Variants in UTP20 observed in about 807,000 individuals in gnomAD.
UTP20 encodes the protein UTP20 small subunit processome component, also known as small subunit processome component 20 homolog.
UTP20 carries 164 observed loss-of-function variants against 329.5 expected under a neutral mutation model. The ratio of observed to expected loss-of-function variants is 0.50; its 90% CI spans 0.44 to 0.57. UTP20 has a LOEUF of 0.57. UTP20 is among the 20% of genes least tolerant of loss of function. UTP20 has a pLI of 0.00. For missense variants in UTP20, 3,055 were observed against 3,284.2 expected, an observed-to-expected ratio of 0.93 and a Z score of 1.71; for synonymous variants, 1,151 against 1,159.3, an observed-to-expected ratio of 0.99 and a Z score of 0.14.
At position 101,311,771 on chromosome 12, in the gene UTP20, C is replaced by T. The variant is rs1041240779; in HGVS notation, c.2284C>T (p.His762Tyr). The change falls in exon 20 of 62, where the codon CAT becomes TAT. Residue 762 changes from histidine to tyrosine, a missense_variant. His to Tyr is a moderately conservative substitution (Grantham distance 83). Around this residue, in one of 3 missense-constraint regions of UTP20, gnomAD observed 2,445 missense variants for 2,575.5 expected, o/e 0.95. Transcript: ENST00000261637. ...NKQFWKVYYEHLEKAATHAEK... is the reference protein window; with the variant it reads ...NKQFWKVYYEYLEKAATHAEK... The stretch of plus-strand genomic sequence containing the variant: ...GCAATTTTGGAAAGTCTACTATGAG[C>T]ATCTAGAAAAAGCAGCTACGCATGC... 1.6e-5 allele frequency: 25 copies of T among 1,612,888 alleles called. No individual in the cohort carries two copies. Among genetic ancestry groups the T allele is most frequent in the Non-Finnish European group, 2.0e-5 (24 of 1,179,796 alleles).
At chr12:101,281,032 T>C in intron 1 of UTP20, 84 bp from the exon 2 acceptor site, 1 of 1,132,476 alleles carries the variant, frequency 8.8e-7, no homozygotes, top group Non-Finnish European at 1.3e-6. Flanking sequence ...TGATTAGAGA[T>C]GCCTACATGC....
chr12:101,325,117 A>G (rs1428578461), intron 25 of UTP20, among the ~76,000 whole-genome samples: 1 of 152,204 alleles, frequency 6.6e-6, no homozygotes, highest in Non-Finnish European at 1.5e-5. Flanking sequence ...AAACCTTTTG[A>G]CATCTCATTT....
At chr12:101,366,975 A>G (rs1593451142) in intron 47 of UTP20, among the ~76,000 whole-genome samples, 1 of 151,912 alleles carries the variant, frequency 6.6e-6, no homozygotes, top group East Asian at 1.9e-4. Flanking sequence ...AACTACTTTG[A>G]ATTTTTTTAA....
intron 27 of UTP20, among the ~76,000 whole-genome samples, chr12:101,332,814 C>G (rs1463260961): frequency 6.7e-6 from 1 of 149,474 alleles, no homozygotes; most frequent in African/African-American, 2.4e-5. Flanking sequence ...TAATTTATAA[C>G]TTCTAGTCTT....
chr12:101,314,793 C>T (rs973951284), intron 21 of UTP20, among the ~76,000 whole-genome samples: 1 of 151,974 alleles, frequency 6.6e-6, no homozygotes. Flanking sequence ...GAGCTGTTGT[C>T]GTTGGGGTTA....
rs771643392 is a variant in UTP20 at position 101,286,468 on chromosome 12, C to T, written c.474C>T (p.Tyr158=). The change falls in exon 5 of 62, where the codon TAC becomes TAT. Residue 158 remains tyrosine, a synonymous_variant. Coordinates refer to ENST00000261637, the MANE Select transcript of UTP20 (RefSeq NM_014503.3). ...AFTSLSYLYK[Y]LWRLMVKDMS... ...CCTCGTTATCATATCTTTATAAGTA[C>T]CTGTGGAGACTGATGGTGAAGGACA... The T allele has an allele frequency of 3.1e-6, 5 of 1,613,396 alleles. No homozygotes were observed. The highest frequency in any genetic ancestry group is 1.6e-4 in the Middle Eastern group (1 of 6,082).
At position 101,374,903 on chromosome 12, in the gene UTP20, G is replaced by T; in HGVS notation, c.7227G>T (p.Val2409=). Residue 2409 remains valine (V), a synonymous_variant, in exon 55 of 62, where the codon GTG becomes GTT. Transcript: ENST00000261637. ...AAAGACTTGGAACTGTCCTTCCTGT[G>T]ATTGAAAAGGAAATTGATCCTGAAA... ...FEKRLGTVLP[V]IEKEIDPENF... 1 of 1,611,444 alleles carries T rather than the reference G, an allele frequency of 6.2e-7. No homozygotes were observed. Among genetic ancestry groups the T allele is most frequent in the South Asian group, 1.1e-5 (1 of 90,982 alleles).
At position 101,356,560 on chromosome 12, in the gene UTP20, A is replaced by G. The variant is rs1457280701; in HGVS notation, c.5401A>G (p.Arg1801Gly). 5.0e-6 allele frequency: 8 copies of G among 1,609,374 alleles called. No individual in the cohort carries two copies. The highest frequency in any genetic ancestry group is 6.8e-6 in the Non-Finnish European group (8 of 1,178,364). ...ACCTAAATTTTTCTTACAGACTAAA[A>G]GGGAAGAAGAACACAAGCTTGTCAA... Reference protein sequence around the residue: ...LHKCLASTTKREEEHKLVKSK... With the variant: ...LHKCLASTTKGEEEHKLVKSK... Residue 1801 changes from arginine (R) to glycine (G), a missense_variant, in exon 42 of 62, where the codon AGG becomes GGG. Arg to Gly is a moderately radical substitution (Grantham distance 125). This residue lies in a region of UTP20 where 2,445 missense variants were observed against 2,575.5 expected (regional missense o/e 0.95). Transcript: ENST00000261637.
Position 101,338,796 on chromosome 12 carries a change from A to G in UTP20, c.3869-17A>G. On this transcript the variant is annotated splice_polypyrimidine_tract_variant and intron_variant, in intron 30 of 61. Coordinates refer to ENST00000261637, the MANE Select transcript of UTP20 (RefSeq NM_014503.3). ...AGAGAGTTTATTAAAATCAAATCAAATCACTATCTATTTCAGAGTCTATCA... is the reference window on the plus strand; with the variant it reads ...AGAGAGTTTATTAAAATCAAATCAAGTCACTATCTATTTCAGAGTCTATCA... The G allele has an allele frequency of 6.4e-7, 1 of 1,571,460 alleles. No homozygotes were observed. Among genetic ancestry groups the G allele is most frequent in the Non-Finnish European group, 8.6e-7 (1 of 1,166,078 alleles).
intron 15 of UTP20, among the ~76,000 whole-genome samples, chr12:101,305,690 G>T (rs574557644): frequency 1.6e-3 from 237 of 151,082 alleles, no homozygotes; most frequent in African/African-American, 5.2e-3. Context: ...AGCATATTCT[G>T]CTCCCACCTC....
Position 101,355,029 on chromosome 12 carries a change from A to G in UTP20, c.5305A>G (p.Lys1769Glu), listed in dbSNP as rs201687062. Residue 1769 changes from lysine (K) to glutamate (E), a missense_variant, in exon 41 of 62, where the codon AAG becomes GAG. Physicochemically the swap from Lys to Glu is moderately conservative, Grantham distance 56. Transcript: ENST00000261637. ...TKPVSFLPQN[K>E]EEIERTIKNI... Reference sequence around the variant, plus strand: ...GCCTGTCTCTTTCCTTCCTCAAAACAAGGAAGAAATAGAGAGAACAATTAA... The same window carrying G: ...GCCTGTCTCTTTCCTTCCTCAAAACGAGGAAGAAATAGAGAGAACAATTAA... 179 of 1,614,038 alleles carry G rather than the reference A, an allele frequency of 1.1e-4. No individual in the cohort carries two copies. Among genetic ancestry groups the G allele is most frequent in the Non-Finnish European group, 1.5e-4 (175 of 1,180,020 alleles).
In UTP20 at chr12:101,355,110, G is replaced by C; in HGVS notation, c.5386G>C (p.Ala1796Pro). 6.2e-7 allele frequency: 1 copy of C among 1,612,696 alleles called. No individual in the cohort carries two copies. Among genetic ancestry groups the C allele is most frequent in the Non-Finnish European group, 8.5e-7 (1 of 1,179,248 alleles). Reference protein sequence around the residue: ...DILPRLHKCLASTTKREEEHK... With the variant: ...DILPRLHKCLPSTTKREEEHK... ...TCTCCCCAGGCTACATAAATGCCTT[G>C]CATCTACGGTAATAAATTTATTCGG... Residue 1796 changes from alanine (A) to proline (P), a missense_variant, in exon 41 of 62, where the codon GCA becomes CCA. Ala to Pro is a conservative substitution (Grantham distance 27). Transcript: ENST00000261637.
chr12:101,327,178 G>T lies in UTP20; in HGVS notation c.3139G>T (p.Gly1047Trp). Residue 1047 changes from glycine to tryptophan, a missense_variant, in exon 26 of 62, where the codon GGG (glycine) becomes TGG (tryptophan). By Grantham distance (184) the Gly-to-Trp change is radical. Coordinates refer to ENST00000261637, the MANE Select transcript of UTP20 (RefSeq NM_014503.3). ...RMAIVLRFLAGTQPEEIQIFL... is the reference protein window; with the variant it reads ...RMAIVLRFLAWTQPEEIQIFL... ...GGCCATTGTCCTGCGGTTCCTGGCC[G>T]GGACCCAACCTGAGGAGATCCAGAT... is the stretch of plus-strand genomic sequence containing the variant. The T allele has an allele frequency of 6.2e-7, 1 of 1,613,044 alleles. No individual in the cohort carries two copies.
At chr12:101,286,652 A>G (rs1481055440) in intron 5 of UTP20, 143 bp downstream of exon 5, 2 of 617,132 alleles carry the variant, frequency 3.2e-6, no homozygotes. Context: ...GTGGTCCACA[A>G]TCTAGTCTGC....
chr12:101,381,638 A>G (rs762317066), intron 58 of UTP20, among the ~76,000 whole-genome samples: 1 of 152,218 alleles, frequency 6.6e-6, no homozygotes, highest in Non-Finnish European at 1.5e-5. Context: ...GATGAAATAC[A>G]GACATACACT....
At chr12:101,355,393 A>G (rs571788572) in intron 41 of UTP20, among the ~76,000 whole-genome samples, 2 of 152,184 alleles carry the variant, frequency 1.3e-5, no homozygotes, top group Non-Finnish European at 2.9e-5. Flanking sequence ...CATGTCCCAA[A>G]AAGGTTATTA....
At chr12:101,318,676 T>C (rs538339524) in intron 22 of UTP20, among the ~76,000 whole-genome samples, 2 of 151,550 alleles carry the variant, frequency 1.3e-5, no homozygotes, top group African/African-American at 2.4e-5. Flanking sequence ...ACTGAAAATA[T>C]AAAAATTAGT....
At chr12:101,291,258 A>G (rs1048681172) in intron 8 of UTP20, 26 of 171,552 alleles carry the variant, frequency 1.5e-4, no homozygotes, top group African/African-American at 5.7e-4. Flanking sequence ...GAATACTTGT[A>G]AAAAACTTAG....
chr12:101,342,593 T>C lies in UTP20; in HGVS notation c.4245+4T>C. Reference sequence around the variant, plus strand: ...ATTGCTTTGTACGGTTTTTGAGGTCTGTACTATTCATTTTTACTCCAAATC... The same window carrying C: ...ATTGCTTTGTACGGTTTTTGAGGTCCGTACTATTCATTTTTACTCCAAATC... On this transcript the variant is annotated splice_donor_region_variant and intron_variant, in intron 33 of 61. Transcript: ENST00000261637. The C allele has an allele frequency of 1.2e-6, 2 of 1,600,452 alleles. No individual in the cohort carries two copies. The highest frequency in any genetic ancestry group is 1.7e-6 in the Non-Finnish European group (2 of 1,176,406).
Sources: gnomAD v4.1 joint callset for allele counts (sites outside exome capture counted in the v4.1 genomes callset) on GRCh38, gnomAD v4.1.1 for gene constraint, gnomAD v4.1.1 regional missense constraint, MANE v1.5 for transcripts, NCBI Gene and HGNC (gene_info 2026-07-23, HGNC 2026-07-21) for gene names.